KLF8: variants seen among roughly 807,000 people sequenced by gnomAD.
KLF8 encodes the protein KLF transcription factor 8, also known as Krueppel-like factor 8.
A neutral mutation model predicts 18.2 loss-of-function variants in KLF8; 10 were observed. The ratio of observed to expected loss-of-function variants is 0.55; its 90% CI spans 0.34 to 0.93. KLF8 has a LOEUF of 0.93. Ranked by LOEUF, KLF8 falls within the 40% of genes least tolerant of loss-of-function variation. KLF8 has a pLI of 0.02. For synonymous variants in KLF8, 109 were observed against 97.3 expected (o/e 1.12, Z -0.71); for missense variants, 264 against 277.9 (o/e 0.95, Z 0.36).
At chrX:56,173,897 G>C in the KLF8 span, among the ~76,000 whole-genome samples, 7 of 111,670 alleles carry the variant, frequency 6.3e-5, no homozygotes, top group African/African-American at 2.3e-4. Flanking sequence ...TTGGCTCTCT[G>C]TCTGTTATTG....
At chrX:56,091,096 T>C in the KLF8 span, among the ~76,000 whole-genome samples, 2 of 111,297 alleles carry the variant, frequency 1.8e-5, no homozygotes, top group Non-Finnish European at 3.8e-5. Context: ...TTGCTCTGTG[T>C]CCCCACCGAA....
the KLF8 span, among the ~76,000 whole-genome samples, chrX:56,189,003 A>G: frequency 4.5e-5 from 5 of 111,986 alleles, no homozygotes; most frequent in Non-Finnish European, 7.5e-5. Flanking sequence ...TGGCAACAAA[A>G]GCAAAAATTG....
the KLF8 span, among the ~76,000 whole-genome samples, chrX:56,145,066 T>C: frequency 9.0e-6 from 1 of 110,921 alleles, no homozygotes. Context: ...GTCCTGGGAT[T>C]ATAGGCATGA....
chrX:56,285,825 G>A lies in KLF8; in HGVS notation c.*1331G>A, dbSNP rs1223579938. The A allele has an allele frequency of 9.0e-6, 1 of 111,463 alleles. No homozygotes were observed. The highest frequency in any genetic ancestry group is 3.3e-5 in the African/African-American group (1 of 30,660). 9.2% of individuals were successfully genotyped at this position (111,463 alleles called of 1,213,427 possible). A position where few individuals can be genotyped will look rare whatever the true frequency, so the allele number is the denominator to read the frequency against. ...CTGGACCACAGATCTACCTCCACAT[G>A]GCATATTTCCTTTCTGGGGTCAGGG... On this transcript the variant is annotated 3_prime_UTR_variant, in exon 6 of 6. Transcript: ENST00000468660.
chrX:56,033,969 C>T, the KLF8 span, among the ~76,000 whole-genome samples: 1 of 112,200 alleles, frequency 8.9e-6, no homozygotes, highest in Non-Finnish European at 1.9e-5. Flanking sequence ...CAGATGTTGG[C>T]TTGCAAATAT....
chrX:55,954,605 T>G, the KLF8 span, among the ~76,000 whole-genome samples: 1 of 112,200 alleles, frequency 8.9e-6, no homozygotes, highest in African/African-American at 3.2e-5. Context: ...AGTAGTCCAG[T>G]CACTTTGGAA....
chrX:55,944,065 C>T, the KLF8 span, among the ~76,000 whole-genome samples: 1 of 111,905 alleles, frequency 8.9e-6, no homozygotes, highest in Admixed American at 9.5e-5. Context: ...TGTTAAAGGC[C>T]TTTTCTGCAT....
intron 1 of KLF8, among the ~76,000 whole-genome samples, chrX:56,237,181 G>A: frequency 1.1e-5 from 1 of 88,694 alleles, no homozygotes; most frequent in Non-Finnish European, 2.1e-5. Flanking sequence ...ACCTAAGCTT[G>A]TGACTGTATT....
At chrX:56,172,938 GT>G in the KLF8 span, among the ~76,000 whole-genome samples, 1 of 111,558 alleles carries the variant, frequency 9.0e-6, no homozygotes, top group Non-Finnish European at 1.9e-5. Flanking sequence ...CCTTTGCCTG[GT>G]TTTTGATGGG....
chrX:56,205,253 T>C, the KLF8 span, among the ~76,000 whole-genome samples: 1 of 111,688 alleles, frequency 9.0e-6, no homozygotes, highest in Non-Finnish European at 1.9e-5. Context: ...TCTCAGCTTA[T>C]ACATAATAGC....
chrX:56,149,517 C>T, the KLF8 span, among the ~76,000 whole-genome samples: 2 of 110,290 alleles, frequency 1.8e-5, no homozygotes, highest in African/African-American at 6.6e-5. Context: ...TCATTTGTAC[C>T]CCAAACCTCA....
At chrX:56,176,741 A>C in the KLF8 span, among the ~76,000 whole-genome samples, 1 of 111,589 alleles carries the variant, frequency 9.0e-6, no homozygotes. Context: ...CAAGTACACC[A>C]ATCAGACGTA....
the KLF8 span, among the ~76,000 whole-genome samples, chrX:56,178,823 G>A: frequency 8.9e-6 from 1 of 111,938 alleles, no homozygotes; most frequent in Non-Finnish European, 1.9e-5. Flanking sequence ...TGAGGGCTCT[G>A]TTCTGTTCCA....
At chrX:55,999,989 T>C in the KLF8 span, among the ~76,000 whole-genome samples, 36 of 112,018 alleles carry the variant, frequency 3.2e-4, no homozygotes, top group East Asian at 7.3e-3. Context: ...TTGTCATATA[T>C]GACCTTTATG....
chrX:56,164,729 C>CTTTTTTTTTTTTTTTT, the KLF8 span, among the ~76,000 whole-genome samples: 1 of 51,920 alleles, frequency 1.9e-5, no homozygotes, highest in Non-Finnish European at 3.3e-5. Context: ...CTTGTTATCT[C>CTTTTTTTTTTTTTTTT]TTTTTTTTTT....
chrX:55,939,512 G>T, the KLF8 span, among the ~76,000 whole-genome samples: 1 of 111,516 alleles, frequency 9.0e-6, no homozygotes, highest in African/African-American at 3.3e-5. Flanking sequence ...CAGAAGGCAA[G>T]AAATAACTAA....
At chrX:56,138,224 G>A in the KLF8 span, among the ~76,000 whole-genome samples, 1 of 110,641 alleles carries the variant, frequency 9.0e-6, no homozygotes, top group East Asian at 2.8e-4. Flanking sequence ...TGGGCCAGAT[G>A]AAATCACACC....
At chrX:56,185,794 A>G in the KLF8 span, among the ~76,000 whole-genome samples, 2 of 111,791 alleles carry the variant, frequency 1.8e-5, no homozygotes, top group Admixed American at 9.5e-5. Flanking sequence ...AGTGAAGGAG[A>G]AATAAAATCC....
chrX:56,143,421 A>G, the KLF8 span, among the ~76,000 whole-genome samples: 2 of 112,085 alleles, frequency 1.8e-5, no homozygotes, highest in Admixed American at 1.9e-4. Flanking sequence ...GTTTATATCT[A>G]TCTCCCCAAC....
Sources: allele counts gnomAD v4.1 joint callset (sites outside exome capture counted in the v4.1 genomes callset), GRCh38; gene constraint gnomAD v4.1.1; transcripts MANE v1.5; gene names NCBI Gene and HGNC (gene_info 2026-07-23, HGNC 2026-07-21).